MIER1: variants seen among roughly 807,000 people sequenced by gnomAD.
MIER1 encodes mesoderm induction early response protein 1.
In MIER1, 40 loss-of-function variants were observed where a neutral mutation model predicts 75.7. The observed-to-expected ratio is 0.53, with a 90% CI of 0.41 to 0.69. The LOEUF (loss-of-function observed/expected upper bound fraction) is 0.69, where lower values mean the gene tolerates loss of function less well. Among genes scored for constraint, MIER1 ranks in the 30% least tolerant of loss-of-function variants. The pLI is 0.00. For missense variants in MIER1, 574 were observed against 680.2 expected, an observed-to-expected ratio of 0.84 and a Z score of 1.74; for synonymous variants, 213 against 223.4, an observed-to-expected ratio of 0.95 and a Z score of 0.42.
chr1:66,982,688 C>T lies in MIER1; in HGVS notation c.1369+770C>T, dbSNP rs1666138220. The stretch of plus-strand genomic sequence containing the variant: ...AGAGCTGACTTCTTCCTGACAGAAA[C>T]TGGAAGAGAAACACTGTGAAAGCCT... On this transcript the variant is annotated intron_variant, in intron 13 of 13. Transcript: ENST00000401041. 2.0e-5 allele frequency among the ~76,000 whole-genome samples: 3 copies of T among 152,332 alleles called. No individual in the cohort carries two copies. In the South Asian group the frequency reaches 6.2e-4, roughly 32 times the overall value.
chr1:66,957,509 A>G (rs1167429477), intron 4 of MIER1, among the ~76,000 whole-genome samples: 1 of 152,002 alleles, frequency 6.6e-6, no homozygotes, highest in Non-Finnish European at 1.5e-5. Flanking sequence ...TTATATGTAA[A>G]TGGAGATAAC....
At position 66,958,982 on chromosome 1, in the gene MIER1, A is replaced by C; in HGVS notation, c.633A>C (p.Thr211=). 1 of 1,611,618 alleles carries C rather than the reference A, an allele frequency of 6.2e-7. No individual in the cohort carries two copies. The highest frequency in any genetic ancestry group is 8.5e-7 in the Non-Finnish European group (1 of 1,178,290). ...CACGTCGATGTAAATATTTTGATAC[A>C]AGTAAGTGTTACTGGTTGATAATAT... ...IRPRRCKYFD[T]NSEVEEESEE... The change falls in exon 6 of 14, where the codon ACA becomes ACC. Residue 211 remains threonine (T), a splice_region_variant and synonymous_variant. Transcript: ENST00000401041.
At chr1:66,942,468 T>G (rs544660660) in intron 3 of MIER1, among the ~76,000 whole-genome samples, 7 of 152,320 alleles carry the variant, frequency 4.6e-5, no homozygotes, top group African/African-American at 1.7e-4. Context: ...TGAAAAGATG[T>G]AAGGTACCTT....
intron 4 of MIER1, among the ~76,000 whole-genome samples, chr1:66,954,280 C>T (rs1169255952): frequency 6.6e-6 from 1 of 152,146 alleles, no homozygotes; most frequent in African/African-American, 2.4e-5. Flanking sequence ...TAAATACTTC[C>T]AGAGTGTCAG....
chr1:66,981,872 C>G lies in MIER1; in HGVS notation c.1323C>G (p.Ser441Arg), dbSNP rs769555647. 1 of 1,613,968 alleles carries G rather than the reference C, an allele frequency of 6.2e-7. No homozygotes were observed. The highest frequency in any genetic ancestry group is 1.1e-5 in the South Asian group (1 of 91,068). The stretch of plus-strand genomic sequence containing the variant: ...CAACTGCATCAAACAGTAGTAACAG[C>G]CAGTCTGAGAAAGAAGATGGCACTG... ...PPPTASNSSNSQSEKEDGTVS... is the reference protein window; with the variant it reads ...PPPTASNSSNRQSEKEDGTVS... Residue 441 changes from serine (S) to arginine (R), a missense_variant, in exon 13 of 14, where the codon AGC (serine) becomes AGG (arginine). This residue lies in a region of MIER1 where 164 missense variants were observed against 154.3 expected (regional missense o/e 1.06). Coordinates refer to ENST00000401041, the MANE Select transcript of MIER1 (RefSeq NM_001077700.3).
intron 11 of MIER1, among the ~76,000 whole-genome samples, chr1:66,974,574 A>AT (rs1406516749): frequency 6.6e-6 from 1 of 152,042 alleles, no homozygotes; most frequent in Non-Finnish European, 1.5e-5. Context: ...GACCAATATG[A>AT]TTTTTTTAAA....
intron 2 of MIER1, among the ~76,000 whole-genome samples, chr1:66,933,712 G>A (rs1653999440): frequency 6.6e-6 from 1 of 152,072 alleles, no homozygotes; most frequent in South Asian, 2.1e-4. Flanking sequence ...GAGCTATTAA[G>A]ATTTTAAAAG....
intron 4 of MIER1, among the ~76,000 whole-genome samples, chr1:66,957,677 A>G (rs1461241477): frequency 2.5e-5 from 3 of 121,920 alleles, no homozygotes; most frequent in South Asian, 2.4e-4. Flanking sequence ...TCTATTTCTC[A>G]TTGTTCTATT....
At chr1:66,965,265 A>C (rs1490653475) in intron 8 of MIER1, among the ~76,000 whole-genome samples, 1 of 152,164 alleles carries the variant, frequency 6.6e-6, no homozygotes, top group Non-Finnish European at 1.5e-5. Flanking sequence ...TATAGTAGTT[A>C]GCAATGTTCA....
chr1:66,949,091 T>C (rs774788599), intron 4 of MIER1, among the ~76,000 whole-genome samples: 13 of 152,146 alleles, frequency 8.5e-5, no homozygotes, highest in Non-Finnish European at 1.5e-4. Flanking sequence ...ATTTTCAGTT[T>C]GCCTATATTC....
chr1:66,976,050 T>A (rs1006379077), intron 11 of MIER1, among the ~76,000 whole-genome samples: 1 of 152,106 alleles, frequency 6.6e-6, no homozygotes, highest in African/African-American at 2.4e-5. Flanking sequence ...TGCAGTGGTG[T>A]GATCTCAGCT....
chr1:66,954,679 T>C (rs1339365744), intron 4 of MIER1, among the ~76,000 whole-genome samples: 1 of 152,106 alleles, frequency 6.6e-6, no homozygotes, highest in African/African-American at 2.4e-5. Context: ...GGAGAATTTT[T>C]CTTTGAGAAA....
Position 66,930,414 on chromosome 1 carries a change from C to G in MIER1, c.168+4172C>G, listed in dbSNP as rs201676377. 61 of 1,605,792 alleles carry G rather than the reference C, an allele frequency of 3.8e-5. No homozygotes were observed. In the Admixed American group the frequency reaches 9.8e-4, roughly 26 times the overall value. On this transcript the variant is annotated intron_variant, in intron 2 of 13. Coordinates refer to ENST00000401041, the MANE Select transcript of MIER1 (RefSeq NM_001077700.3). ...AATATGGCGGAGGTAAGGGAGCGAG[C>G]TCCCCCTCCCTGTCCCGGAGCCGGG...
In MIER1 at chr1:66,986,328, G is replaced by C. The variant is rs367774268; in HGVS notation, c.*1428G>C. The C allele has an allele frequency of 2.6e-6, 4 of 1,552,958 alleles. No individual in the cohort carries two copies. On this transcript the variant is annotated 3_prime_UTR_variant, in exon 14 of 14. Transcript: ENST00000401041. ...TGCTAAATTCTTGTTAAATAATGTA[G>C]TTTTATATAGCTGATAGACCAACCT...
At chr1:66,983,468 C>T (rs1260014674) in intron 13 of MIER1, among the ~76,000 whole-genome samples, 1 of 150,746 alleles carries the variant, frequency 6.6e-6, no homozygotes, top group Non-Finnish European at 1.5e-5. Context: ...CAGTGATGCA[C>T]CCTATATTTT....
intron 9 of MIER1, among the ~76,000 whole-genome samples, chr1:66,971,352 A>G (rs1353645143): frequency 6.6e-6 from 1 of 152,032 alleles, no homozygotes; most frequent in Non-Finnish European, 1.5e-5. Context: ...TTAAAATTAT[A>G]GGAATCTCAA....
At chr1:66,948,690 C>G (rs1190847365) in intron 4 of MIER1, among the ~76,000 whole-genome samples, 1 of 152,122 alleles carries the variant, frequency 6.6e-6, no homozygotes, top group Non-Finnish European at 1.5e-5. Context: ...GCCTGGAGGT[C>G]AAGACCAGCC....
chr1:66,939,938 C>A, intron 2 of MIER1, 90 bp from the exon 3 acceptor site: 1 of 1,000,588 alleles, frequency 1.0e-6, no homozygotes. Flanking sequence ...TAGTTTTTGG[C>A]ATCATAGTAG....
At chr1:66,937,173 T>C (rs1452017848) in intron 2 of MIER1, among the ~76,000 whole-genome samples, 1 of 152,118 alleles carries the variant, frequency 6.6e-6, no homozygotes. Flanking sequence ...CCACCTACCA[T>C]GGAACCTTGA....
Sources: allele counts gnomAD v4.1 joint callset (sites outside exome capture counted in the v4.1 genomes callset), GRCh38; gene constraint gnomAD v4.1.1; regional missense constraint gnomAD v4.1.1; transcripts MANE v1.5; gene names NCBI Gene and HGNC (gene_info 2026-07-23, HGNC 2026-07-21).